The following RBKS variants were observed in gnomAD, a reference collection of about 807,000 sequenced individuals.
RBKS encodes the protein ribokinase.
A neutral mutation model predicts 33.9 loss-of-function variants in RBKS; 33 were observed. That is an observed-to-expected ratio of 0.97 (90% CI 0.74 to 1.30). The LOEUF is 1.30. Ranked by LOEUF, RBKS falls within the 50% of genes most tolerant of loss-of-function variation. RBKS has a pLI of 0.00. For synonymous variants in RBKS, 125 were observed against 143.0 expected (o/e 0.87, Z 0.90); for missense variants, 361 against 392.6 (o/e 0.92, Z 0.68).
chr2:27,888,483 A>C (rs537051305), intron 1 of RBKS, among the ~76,000 whole-genome samples: 8 of 152,310 alleles, frequency 5.3e-5, no homozygotes, highest in Admixed American at 4.6e-4. Context: ...GTAAACATTT[A>C]GCTTGGTGGA....
chr2:27,830,689 G>A (rs1474490476), intron 6 of RBKS, among the ~76,000 whole-genome samples: 2 of 152,040 alleles, frequency 1.3e-5, no homozygotes, highest in Non-Finnish European at 2.9e-5. Context: ...CTATGTGCAG[G>A]TACAGTGTAG....
chr2:27,782,237 C>T (rs904002010), intron 7 of RBKS, among the ~76,000 whole-genome samples: 2 of 152,048 alleles, frequency 1.3e-5, no homozygotes, highest in Non-Finnish European at 2.9e-5. Flanking sequence ...TCATAGCTCA[C>T]TGCAGCCTGG....
At chr2:27,823,812 G>A (rs958763288) in intron 7 of RBKS, among the ~76,000 whole-genome samples, 5 of 152,196 alleles carry the variant, frequency 3.3e-5, no homozygotes, top group Non-Finnish European at 7.3e-5. Flanking sequence ...ATTCAGCAGG[G>A]CAATTCAGTG....
At chr2:27,799,793 G>A (rs1573036719) in intron 7 of RBKS, among the ~76,000 whole-genome samples, 1 of 152,188 alleles carries the variant, frequency 6.6e-6, no homozygotes, top group South Asian at 2.1e-4. Context: ...GGAGGGCTGC[G>A]CCAGCTGCTG....
chr2:27,881,748 C>A (rs1263886369), intron 1 of RBKS, among the ~76,000 whole-genome samples: 1 of 151,834 alleles, frequency 6.6e-6, no homozygotes, highest in Non-Finnish European at 1.5e-5. Context: ...GAATAAAGAG[C>A]CCCCAAAATA....
At chr2:27,853,719 AT>A (rs960417140) in intron 2 of RBKS, among the ~76,000 whole-genome samples, 2 of 152,198 alleles carry the variant, frequency 1.3e-5, no homozygotes, top group African/African-American at 4.8e-5. Flanking sequence ...ATTAGGCCTG[AT>A]TATCTGAGAG....
chr2:27,785,643 A>G (rs920967510), intron 7 of RBKS, among the ~76,000 whole-genome samples: 4 of 151,990 alleles, frequency 2.6e-5, no homozygotes, highest in African/African-American at 9.7e-5. Context: ...GGTGCCTGTA[A>G]TCCCAGCCAC....
chr2:27,820,595 TG>T (rs1678184030), intron 7 of RBKS, among the ~76,000 whole-genome samples: 1 of 151,874 alleles, frequency 6.6e-6, no homozygotes, highest in Non-Finnish European at 1.5e-5. Flanking sequence ...TTCTTTTTCT[TG>T]AGACAGGGTC....
chr2:27,833,071 A>G (rs1260708130), intron 5 of RBKS, among the ~76,000 whole-genome samples: 1 of 152,240 alleles, frequency 6.6e-6, no homozygotes, highest in African/African-American at 2.4e-5. Flanking sequence ...CAACAGGAAC[A>G]TTAGAGAAAA....
intron 7 of RBKS, among the ~76,000 whole-genome samples, chr2:27,824,118 G>T (rs1042695874): frequency 1.3e-5 from 2 of 152,078 alleles, no homozygotes; most frequent in African/African-American, 4.8e-5. Context: ...ATATTTCATA[G>T]AAATAAAATC....
At chr2:27,864,311 CAT>C (rs1491532241) in intron 1 of RBKS, among the ~76,000 whole-genome samples, 1 of 152,128 alleles carries the variant, frequency 6.6e-6, no homozygotes, top group Non-Finnish European at 1.5e-5. Context: ...GCGTGAAACT[CAT>C]ATCTTTTCCT....
At chr2:27,865,012 G>T (rs1054046455) in intron 1 of RBKS, among the ~76,000 whole-genome samples, 4 of 152,186 alleles carry the variant, frequency 2.6e-5, no homozygotes, top group African/African-American at 9.7e-5. Context: ...AACTTCCAAG[G>T]CTTGTTTGCC....
chr2:27,868,841 C>T lies in RBKS; in HGVS notation c.90-10270G>A, dbSNP rs148204740. Among the ~76,000 whole-genome samples, 17 of 152,308 alleles carry T rather than the reference C, an allele frequency of 1.1e-4. No individual in the cohort carries two copies. In the East Asian group the frequency reaches 2.9e-3, roughly 26 times the overall value. ...CAAATCCTTTAAAATTCAACTCAGA[C>T]AATCATCTCCTTTGGGAGTCCTAAT... On this transcript the variant is annotated intron_variant, in intron 1 of 7. Transcript: ENST00000302188.
At chr2:27,848,799 C>T (rs1272953692) in intron 2 of RBKS, among the ~76,000 whole-genome samples, 1 of 150,650 alleles carries the variant, frequency 6.6e-6, no homozygotes, top group Non-Finnish European at 1.5e-5. Context: ...CGAGGTCACA[C>T]CACTGCACTA....
At chr2:27,883,170 C>T (rs553474993) in intron 1 of RBKS, among the ~76,000 whole-genome samples, 1 of 151,434 alleles carries the variant, frequency 6.6e-6, no homozygotes, top group Non-Finnish European at 1.5e-5. Context: ...ACAAGACAAG[C>T]AGTAACCATG....
intron 2 of RBKS, among the ~76,000 whole-genome samples, chr2:27,852,693 AC>A (rs1454049413): frequency 6.6e-6 from 1 of 152,240 alleles, no homozygotes; most frequent in Non-Finnish European, 1.5e-5. Flanking sequence ...AAAACATCCT[AC>A]CCAAGGCCAC....
intron 6 of RBKS, among the ~76,000 whole-genome samples, chr2:27,831,390 G>A (rs1678411057): frequency 1.3e-5 from 2 of 152,128 alleles, no homozygotes; most frequent in Non-Finnish European, 1.5e-5. Context: ...TGCTCTTCAA[G>A]TATCTAGCAG....
At chr2:27,875,304 T>C (rs939954753) in intron 1 of RBKS, among the ~76,000 whole-genome samples, 1 of 152,224 alleles carries the variant, frequency 6.6e-6, no homozygotes, top group Non-Finnish European at 1.5e-5. Context: ...TCACTGCACT[T>C]TGGGAGGCCA....
At position 27,878,614 on chromosome 2, in the gene RBKS, C is replaced by T. The variant is rs530988370; in HGVS notation, c.89+11643G>A. The stretch of plus-strand genomic sequence containing the variant: ...CCCTGAGGAATCGCCACACTGACTT[C>T]CACAATGGTTGAACTAGTTTACAGT... On this transcript the variant is annotated intron_variant, in intron 1 of 7. Transcript: ENST00000302188. Among the ~76,000 whole-genome samples, 5 of 152,140 alleles carry T rather than the reference C, an allele frequency of 3.3e-5. No homozygotes were observed. The South Asian group carries it at 1.0e-3, about 32-fold the overall frequency.
Sources: allele counts gnomAD v4.1 joint callset (sites outside exome capture counted in the v4.1 genomes callset), GRCh38; gene constraint gnomAD v4.1.1; transcripts MANE v1.5; gene names NCBI Gene and HGNC (gene_info 2026-07-23, HGNC 2026-07-21).